The following CRYBG3 variants were observed in gnomAD, a reference collection of about 807,000 sequenced individuals.
CRYBG3 encodes very large A-kinase anchor protein.
A neutral mutation model predicts 244.2 loss-of-function variants in CRYBG3; 127 were observed. That is an observed-to-expected ratio of 0.52 (90% CI 0.45 to 0.60). The LOEUF (loss-of-function observed/expected upper bound fraction) is 0.60, where lower values mean the gene tolerates loss of function less well. CRYBG3 is among the 20% of genes least tolerant of loss of function. The pLI, the probability that CRYBG3 is intolerant of heterozygous loss-of-function variation, is 0.00. For missense variants in CRYBG3, 3,325 were observed against 3,442.5 expected (o/e 0.97, Z 0.85); for synonymous variants, 1,132 against 1,195.8 (o/e 0.95, Z 1.10).
intron 2 of CRYBG3, among the ~76,000 whole-genome samples, chr3:97,847,157 C>A (rs1332637750): frequency 6.6e-6 from 1 of 152,122 alleles, no homozygotes; most frequent in African/African-American, 2.4e-5. Context: ...CCCCCATGAC[C>A]CAGACACCTC....
At position 97,866,557 on chromosome 3, in the gene CRYBG3, C is replaced by T. The variant is rs941251051; in HGVS notation, c.647+1910C>T. On this transcript the variant is annotated intron_variant, in intron 3 of 21. Transcript: ENST00000389622. ...GGAGTGGGGCCCAGCAATATTCTAA[C>T]AACCTCTTTAGATGATTGTTTTGCT... 2.0e-5 allele frequency among the ~76,000 whole-genome samples: 3 copies of T among 152,210 alleles called. No individual in the cohort carries two copies. The South Asian group carries it at 6.2e-4, about 31-fold the overall frequency.
At chr3:97,884,970 G>A (rs1469464260) in intron 7 of CRYBG3, among the ~76,000 whole-genome samples, 5 of 152,124 alleles carry the variant, frequency 3.3e-5, no homozygotes, top group Non-Finnish European at 5.9e-5. Context: ...ATTTGTTTGT[G>A]TGAGACAGTT....
At chr3:97,922,043 A>G (rs1331422227) in intron 17 of CRYBG3, among the ~76,000 whole-genome samples, 2 of 152,212 alleles carry the variant, frequency 1.3e-5, no homozygotes, top group Non-Finnish European at 2.9e-5. Context: ...CTTAGGAAGT[A>G]GAATAAGAGT....
At chr3:97,871,033 G>A (rs568764608) in intron 3 of CRYBG3, among the ~76,000 whole-genome samples, 14 of 152,248 alleles carry the variant, frequency 9.2e-5, no homozygotes, top group African/African-American at 3.4e-4. Context: ...TCTGATGCTG[G>A]CATTAAAGGG....
chr3:97,864,334 G>C lies in CRYBG3; in HGVS notation c.334G>C (p.Glu112Gln). Residue 112 changes from glutamate to glutamine, a missense_variant, in exon 3 of 22, where the codon GAA becomes CAA. Physicochemically the swap from Glu to Gln is conservative, Grantham distance 29 (BLOSUM62 2). Transcript: ENST00000389622. Reference protein sequence around the residue: ...SSSTSDTKIGESDRQPKESFF... With the variant: ...SSSTSDTKIGQSDRQPKESFF... ...TTCCACTTCAGATACCAAAATAGGA[G>C]AAAGTGACAGACAGCCAAAAGAAAG... is the stretch of plus-strand genomic sequence containing the variant. 6.5e-7 allele frequency: 1 copy of C among 1,535,932 alleles called. No homozygotes were observed. The highest frequency in any genetic ancestry group is 8.7e-7 in the Non-Finnish European group (1 of 1,146,806).
In CRYBG3 at chr3:97,864,218, T is replaced by A; in HGVS notation, c.218T>A (p.Ile73Asn). ...ENVLSSEAVK[I>N]RQSEDKRNHA... The stretch of plus-strand genomic sequence containing the variant: ...TGATTGTCTATTTTGTTTTCAAAGA[T>A]TCGCCAAAGTGAGGACAAAAGGAAC... The change falls in exon 3 of 22, where the codon ATT becomes AAT. Residue 73 changes from isoleucine to asparagine, a missense_variant and splice_region_variant. By Grantham distance (149) the Ile-to-Asn change is moderately radical (BLOSUM62 -3). Coordinates refer to ENST00000389622, the MANE Select transcript of CRYBG3 (RefSeq NM_153605.4). 1 of 1,481,590 alleles carries A rather than the reference T, an allele frequency of 6.7e-7. No individual in the cohort carries two copies. Among genetic ancestry groups the A allele is most frequent in the Non-Finnish European group, 8.9e-7 (1 of 1,126,256 alleles). 91.8% of individuals were successfully genotyped at this position (1,481,590 alleles called of 1,614,324 possible).
chr3:97,931,674 A>G (rs1001033112), intron 17 of CRYBG3, among the ~76,000 whole-genome samples: 1 of 152,054 alleles, frequency 6.6e-6, no homozygotes, highest in Non-Finnish European at 1.5e-5. Flanking sequence ...ATTTCTTTAT[A>G]TATAACCGAT....
chr3:97,902,377 A>C (rs1395319844), intron 15 of CRYBG3, among the ~76,000 whole-genome samples: 1 of 151,770 alleles, frequency 6.6e-6, no homozygotes, highest in East Asian at 1.9e-4. Context: ...TTATGATGAG[A>C]TATGGCTTAT....
chr3:97,851,380 A>G (rs533658772), intron 2 of CRYBG3, among the ~76,000 whole-genome samples: 4 of 152,322 alleles, frequency 2.6e-5, no homozygotes, highest in Admixed American at 6.5e-5. Flanking sequence ...TAATAACTTC[A>G]GTAATAATCC....
At chr3:97,862,100 TAA>T (rs397990602) in intron 2 of CRYBG3, among the ~76,000 whole-genome samples, 6 of 151,510 alleles carry the variant, frequency 4.0e-5, no homozygotes, top group African/African-American at 1.5e-4. Context: ...GTTTTTTTTT[TAA>T]AAAATTATTT....
Position 97,866,764 on chromosome 3 carries a change from T to C in CRYBG3, c.647+2117T>C, listed in dbSNP as rs145933171. Among the ~76,000 whole-genome samples the C allele has an allele frequency of 1.3e-3, 193 of 152,318 alleles. 7 individuals carry two copies. In the East Asian group the frequency reaches 0.032, roughly 25 times the overall value. On this transcript the variant is annotated intron_variant, in intron 3 of 21. Coordinates refer to ENST00000389622, the MANE Select transcript of CRYBG3 (RefSeq NM_153605.4). ...AAGAGAGAGGATACTTTTCCTCTTA[T>C]TTATTGTTACTAAATAATAACTTGT...
At chr3:97,892,726 A>G (rs537791581) in intron 10 of CRYBG3, 134 bp from the exon 11 acceptor site, 4 of 521,842 alleles carry the variant, frequency 7.7e-6, no homozygotes, top group Non-Finnish European at 1.3e-5. Flanking sequence ...CACCTTTTCC[A>G]TGAACTTTTT....
chr3:97,941,077 T>C, intron 19 of CRYBG3, 71 bp from the exon 20 acceptor site: 1 of 1,331,418 alleles, frequency 7.5e-7, no homozygotes, highest in Non-Finnish European at 1.0e-6. Flanking sequence ...CCCTCCCAGC[T>C]TTCCTCCTCT....
intron 2 of CRYBG3, among the ~76,000 whole-genome samples, chr3:97,859,804 A>C (rs2039120031): frequency 6.6e-6 from 1 of 151,970 alleles, no homozygotes; most frequent in Admixed American, 6.6e-5. Context: ...GGCTTTAGCC[A>C]CTCTCCTTGC....
chr3:97,937,707 T>C (rs553442353), intron 19 of CRYBG3, among the ~76,000 whole-genome samples: 17 of 152,072 alleles, frequency 1.1e-4, no homozygotes, highest in Non-Finnish European at 2.4e-4. Context: ...TCAAGGACTG[T>C]CCATGTTTTG....
Position 97,892,972 on chromosome 3 carries a change from C to T in CRYBG3, c.7553C>T (p.Ser2518Leu), listed in dbSNP as rs749660597. The change falls in exon 11 of 22, where the codon TCA becomes TTA. Residue 2518 changes from serine to leucine, a missense_variant. By Grantham distance (145) the Ser-to-Leu change is moderately radical. Transcript: ENST00000389622. Reference protein sequence around the residue: ...KNNGDFHRIGSIRVIGGVWVA... With the variant: ...KNNGDFHRIGLIRVIGGVWVA... ...AATGGAGATTTTCACAGAATTGGAT[C>T]AATTCGTGTCATTGGTGGAGTGTGA... 49 of 1,598,076 alleles carry T rather than the reference C, an allele frequency of 3.1e-5. No individual in the cohort carries two copies. The highest frequency in any genetic ancestry group is 4.1e-5 in the Non-Finnish European group (48 of 1,174,578).
At chr3:97,863,665 A>G (rs1451432966) in intron 2 of CRYBG3, among the ~76,000 whole-genome samples, 1 of 152,112 alleles carries the variant, frequency 6.6e-6, no homozygotes, top group African/African-American at 2.4e-5. Flanking sequence ...GTGTTATCTC[A>G]AGTACCAAGA....
At chr3:97,827,915 A>G (rs2038600240) in intron 1 of CRYBG3, among the ~76,000 whole-genome samples, 1 of 152,142 alleles carries the variant, frequency 6.6e-6, no homozygotes, top group African/African-American at 2.4e-5. Context: ...CCCTTAGAAA[A>G]TGGTTTGGAA....
chr3:97,921,609 G>A (rs1184290691), intron 17 of CRYBG3, among the ~76,000 whole-genome samples: 1 of 152,114 alleles, frequency 6.6e-6, no homozygotes, highest in African/African-American at 2.4e-5. Flanking sequence ...TAGAAGTTGG[G>A]GGATGGTGGG....
Sources: gnomAD v4.1 joint callset for allele counts (sites outside exome capture counted in the v4.1 genomes callset) on GRCh38, gnomAD v4.1.1 for gene constraint, MANE v1.5 for transcripts, NCBI Gene and HGNC (gene_info 2026-07-23, HGNC 2026-07-21) for gene names.